The following CBL variants were observed in gnomAD, a reference collection of about 807,000 sequenced individuals.
CBL encodes Cbl proto-oncogene, also known as E3 ubiquitin-protein ligase CBL.
CBL carries 45 observed loss-of-function variants against 96.9 expected under a neutral mutation model. The ratio of observed to expected loss-of-function variants is 0.46; its 90% confidence interval spans 0.37 to 0.60. The LOEUF is 0.60. Among genes scored for constraint, CBL ranks in the 20% least tolerant of loss-of-function variants. CBL has a pLI of 0.00. For missense variants in CBL, 1,024 were observed against 1,143.5 expected (o/e 0.90, Z 1.51); for synonymous variants, 420 against 426.8 (o/e 0.98, Z 0.20).
rs531876072 is a variant in CBL at position 119,280,176 on chromosome 11, G to A, written c.1431+1463G>A. On this transcript the variant is annotated intron_variant, in intron 9 of 15. Coordinates refer to ENST00000264033, the MANE Select transcript of CBL (RefSeq NM_005188.4). ...ACATTCATATTGTTTGCAGGCTTAC[G>A]TATATTGGCCTGCTTTTACAAGTCT... Among the ~76,000 whole-genome samples the A allele has an allele frequency of 3.5e-4, 54 of 152,280 alleles. 1 individual carries two copies. The highest frequency in any genetic ancestry group is 1.1e-3 in the African/African-American group (44 of 41,566).
In CBL at chr11:119,285,049, G is replaced by A. The variant is rs758285751; in HGVS notation, c.1512G>A (p.Pro504=). The A allele has an allele frequency of 1.9e-6, 3 of 1,613,966 alleles. No homozygotes were observed. Among genetic ancestry groups the A allele is most frequent in the Admixed American group, 1.7e-5 (1 of 59,996 alleles). Residue 504 remains proline (P), a synonymous_variant, in exon 10 of 16, where the codon CCG becomes CCA. Coordinates refer to ENST00000264033, the MANE Select transcript of CBL (RefSeq NM_005188.4). ...PPVPPRLDLL[P]QRVCVPSSAS... is the part of the protein sequence containing the mutation. ...TGCCACCACGACTTGACCTTCTGCC[G>A]CAGCGAGTATGTGTTCCCTCAAGTG...
intron 2 of CBL, among the ~76,000 whole-genome samples, chr11:119,253,450 CAAAAAAAAA>C (rs66912490): frequency 1.2e-5 from 1 of 85,036 alleles, no homozygotes; most frequent in African/African-American, 4.8e-5. Context: ...GACCTCATCT[CAAAAAAAAA>C]AAAAAAAAGT....
intron 9 of CBL, among the ~76,000 whole-genome samples, chr11:119,282,642 G>A (rs1565873453): frequency 6.6e-6 from 1 of 152,166 alleles, no homozygotes; most frequent in Non-Finnish European, 1.5e-5. Flanking sequence ...TGAAAGCTGG[G>A]CAGGAGGGTG....
intron 2 of CBL, among the ~76,000 whole-genome samples, chr11:119,252,876 C>T (rs143014875): frequency 8.4e-5 from 12 of 143,294 alleles, no homozygotes; most frequent in Admixed American, 7.7e-4. Context: ...AGTGAAACTC[C>T]ATCTCAAGAA....
intron 4 of CBL, among the ~76,000 whole-genome samples, chr11:119,274,452 T>C (rs1949873070): frequency 6.6e-6 from 1 of 152,262 alleles, no homozygotes; most frequent in South Asian, 2.1e-4. Context: ...TCTTTTTCTC[T>C]AAAAATAATG....
chr11:119,256,192 CTTT>C (rs199662024), intron 2 of CBL, among the ~76,000 whole-genome samples: 2 of 136,854 alleles, frequency 1.5e-5, no homozygotes, highest in African/African-American at 2.7e-5. Context: ...TTTGTACATT[CTTT>C]TTTTTTTTTT....
At chr11:119,279,617 A>T (rs1199926785) in intron 9 of CBL, among the ~76,000 whole-genome samples, 1 of 152,018 alleles carries the variant, frequency 6.6e-6, no homozygotes, top group Non-Finnish European at 1.5e-5. Flanking sequence ...GTACCACTGC[A>T]CTCTAGGTTG....
Position 119,300,407 on chromosome 11 carries a change from C to T in CBL, c.*626C>T, listed in dbSNP as rs1054624765. 1.5e-5 allele frequency: 6 copies of T among 405,584 alleles called. No individual in the cohort carries two copies. Among genetic ancestry groups the T allele is most frequent in the Non-Finnish European group, 4.4e-6 (1 of 229,758 alleles). The allele number at this position is 405,584 out of a possible 1,614,324, so 25.1% of individuals were successfully genotyped here. On this transcript the variant is annotated 3_prime_UTR_variant, in exon 16 of 16. Transcript: ENST00000264033. ...CTGTCTGTTCTTTCCCCATCAACTC[C>T]TTCCTCATCCTTCTTGGTGTTCTGT...
At chr11:119,294,439 A>AG (rs1250883094) in intron 12 of CBL, among the ~76,000 whole-genome samples, 1 of 151,348 alleles carries the variant, frequency 6.6e-6, no homozygotes, top group Non-Finnish European at 1.5e-5. Context: ...AAAAAAAAAA[A>AG]TTATTGCCTT....
At chr11:119,229,849 T>C (rs940222781) in intron 1 of CBL, among the ~76,000 whole-genome samples, 4 of 151,660 alleles carry the variant, frequency 2.6e-5, no homozygotes, top group Non-Finnish European at 5.9e-5. Context: ...TGCCTCAGCC[T>C]CCCGAGTAGC....
At chr11:119,245,037 A>G (rs1949615156) in intron 2 of CBL, among the ~76,000 whole-genome samples, 1 of 151,976 alleles carries the variant, frequency 6.6e-6, no homozygotes, top group Non-Finnish European at 1.5e-5. Flanking sequence ...ATGCCTGGGC[A>G]GTTTTTTAAT....
intron 2 of CBL, among the ~76,000 whole-genome samples, chr11:119,270,117 TATCTATATC>T (rs1461932579): frequency 6.6e-6 from 1 of 152,142 alleles, no homozygotes; most frequent in East Asian, 1.9e-4. Context: ...AGTGTAATAG[TATCTATATC>T]ATCTGTATCC....
intron 2 of CBL, among the ~76,000 whole-genome samples, chr11:119,248,564 A>T (rs1949648641): frequency 6.6e-6 from 1 of 152,236 alleles, no homozygotes; most frequent in Admixed American, 6.5e-5. Context: ...AAGAAACATA[A>T]GTGAAAATCT....
chr11:119,222,339 T>C (rs1949418430), intron 1 of CBL, among the ~76,000 whole-genome samples: 1 of 152,234 alleles, frequency 6.6e-6, no homozygotes, highest in Non-Finnish European at 1.5e-5. Context: ...AGCATAGTTT[T>C]ATTCCTCTTT....
At chr11:119,271,366 A>T (rs778195154) in intron 2 of CBL, among the ~76,000 whole-genome samples, 54 of 152,176 alleles carry the variant, frequency 3.5e-4, no homozygotes, top group Non-Finnish European at 6.5e-4. Flanking sequence ...ATATGACTAA[A>T]TTTTTTCTCT....
chr11:119,220,789 T>A (rs1949401812), intron 1 of CBL, among the ~76,000 whole-genome samples: 1 of 152,168 alleles, frequency 6.6e-6, no homozygotes, highest in Non-Finnish European at 1.5e-5. Flanking sequence ...CTGTAGTAAC[T>A]ACAATTCAAG....
chr11:119,240,808 C>G (rs1281869639), intron 2 of CBL, among the ~76,000 whole-genome samples: 8 of 152,276 alleles, frequency 5.3e-5, no homozygotes, highest in African/African-American at 1.9e-4. Flanking sequence ...TGCAGTGGCT[C>G]ATGCCTGTAA....
chr11:119,210,724 G>GAT (rs1949309872), intron 1 of CBL, among the ~76,000 whole-genome samples: 1 of 151,142 alleles, frequency 6.6e-6, no homozygotes, highest in South Asian at 2.1e-4. Flanking sequence ...GCTGAGGTGG[G>GAT]ATAACAGGCA....
intron 2 of CBL, among the ~76,000 whole-genome samples, chr11:119,253,486 T>C (rs890097743): frequency 6.9e-6 from 1 of 145,910 alleles, no homozygotes; most frequent in Non-Finnish European, 1.5e-5. Flanking sequence ...TGAAAAATTA[T>C]GTAAAGGAGA....
Sources: allele counts gnomAD v4.1 joint callset (sites outside exome capture counted in the v4.1 genomes callset), GRCh38; gene constraint gnomAD v4.1.1; transcripts MANE v1.5; gene names NCBI Gene and HGNC (gene_info 2026-07-23, HGNC 2026-07-21).